The following AGBL1 variants were observed in gnomAD, a reference collection of about 807,000 sequenced individuals.
AGBL1 encodes AGBL carboxypeptidase 1.
A neutral mutation model predicts 118.9 loss-of-function variants in AGBL1; 130 were observed. The ratio of observed to expected loss-of-function variants is 1.09; its 90% CI spans 0.95 to 1.26. The LOEUF (loss-of-function observed/expected upper bound fraction) is 1.26, where lower values mean the gene tolerates loss of function less well. AGBL1 is among the 50% of genes most tolerant of loss of function. AGBL1 has a pLI of 0.00. For synonymous variants in AGBL1, 555 were observed against 478.9 expected, an observed-to-expected ratio of 1.16 and a Z score of -2.08; for missense variants, 1,584 against 1,298.1, an observed-to-expected ratio of 1.22 and a Z score of -3.38.
intron 24 of AGBL1, among the ~76,000 whole-genome samples, chr15:86,998,128 G>T (rs1016270806): frequency 2.0e-5 from 3 of 152,052 alleles, no homozygotes; most frequent in African/African-American, 7.2e-5. Context: ...TCCACCTCCT[G>T]ATATATTTGC....
intron 23 of AGBL1, chr15:86,932,862 A>C (rs1018825280): frequency 6.6e-6 from 1 of 151,630 alleles, no homozygotes; most frequent in Non-Finnish European, 1.5e-5. Context: ...CCAATGTTTT[A>C]AGTGCTTGAA....
intron 18 of AGBL1, among the ~76,000 whole-genome samples, chr15:86,464,748 A>G (rs148268519): frequency 6.8e-4 from 103 of 152,206 alleles, no homozygotes; most frequent in African/African-American, 2.3e-3. Context: ...ACGTTTATTG[A>G]TTTGCATATG....
At chr15:86,091,243 A>G (rs1896003512) in intron 1 of AGBL1, among the ~76,000 whole-genome samples, 1 of 152,182 alleles carries the variant, frequency 6.6e-6, no homozygotes, top group Non-Finnish European at 1.5e-5. Flanking sequence ...AGTGGAAAGT[A>G]GTGGGTGGAA....
chr15:86,564,396 G>A (rs2083879964), intron 21 of AGBL1, among the ~76,000 whole-genome samples: 1 of 152,140 alleles, frequency 6.6e-6, no homozygotes, highest in Admixed American at 6.6e-5. Flanking sequence ...ATGAAGCTTA[G>A]TTTGGCTGGA....
intron 24 of AGBL1, among the ~76,000 whole-genome samples, chr15:87,022,152 A>G (rs2081671126): frequency 6.6e-6 from 1 of 152,100 alleles, no homozygotes; most frequent in Non-Finnish European, 1.5e-5. Flanking sequence ...ATGGGACAAA[A>G]AGAATCTGAA....
intron 5 of AGBL1, among the ~76,000 whole-genome samples, chr15:86,167,783 C>G (rs926278404): frequency 5.9e-5 from 9 of 152,322 alleles, no homozygotes; most frequent in Middle Eastern, 3.4e-3. Flanking sequence ...GGAAAGCTAG[C>G]TGCTTTTAAG....
intron 22 of AGBL1, among the ~76,000 whole-genome samples, chr15:86,901,877 T>C (rs2080216762): frequency 6.6e-6 from 1 of 152,132 alleles, no homozygotes; most frequent in Non-Finnish European, 1.5e-5. Flanking sequence ...TTTTTTTTAG[T>C]TGTTACATTA....
chr15:86,264,955 A>T (rs2079050233), intron 11 of AGBL1, 117 bp downstream of exon 11: 1 of 1,041,318 alleles, frequency 9.6e-7, no homozygotes, highest in African/African-American at 1.6e-5. Flanking sequence ...AATCAGGAAC[A>T]TGTCAAAGCC....
At chr15:86,774,671 T>C (rs1317627480) in intron 22 of AGBL1, among the ~76,000 whole-genome samples, 1 of 151,934 alleles carries the variant, frequency 6.6e-6, no homozygotes, top group Non-Finnish European at 1.5e-5. Flanking sequence ...AAGTTAAGAA[T>C]GGGAGGTACA....
At chr15:86,742,965 T>TA (rs2077701327) in intron 22 of AGBL1, among the ~76,000 whole-genome samples, 1 of 152,032 alleles carries the variant, frequency 6.6e-6, no homozygotes, top group South Asian at 2.1e-4. Context: ...GCTGTGGGGG[T>TA]AATAGTATCA....
At chr15:86,954,993 G>T (rs1596671769) in intron 23 of AGBL1, among the ~76,000 whole-genome samples, 1 of 152,078 alleles carries the variant, frequency 6.6e-6, no homozygotes, top group South Asian at 2.1e-4. Context: ...GTAAGTTCAA[G>T]TGGTACTACA....
rs373998164 is a variant in AGBL1, at chr15:86,964,035, G to C, written c.3222-23952G>C. ...TCTCTCTCTCTCTCTCTCTCTCTGT[G>C]TGTGTGTGTGTGTGTGTGTGTTTGT... On this transcript the variant is annotated intron_variant, in intron 23 of 24. Coordinates refer to the AGBL1 transcript ENST00000441037. 8.4e-4 allele frequency among the ~76,000 whole-genome samples: 61 copies of C among 72,412 alleles called. 1 individual carries two copies. The highest frequency in any genetic ancestry group is 1.1e-3 in the East Asian group (3 of 2,794). 47.5% of individuals were successfully genotyped at this position (72,412 alleles called of 152,430 possible). A position where few individuals can be genotyped will look rare whatever the true frequency, so the allele number is the denominator to read the frequency against.
chr15:86,568,682 A>T (rs886799236), intron 21 of AGBL1, among the ~76,000 whole-genome samples: 4 of 152,218 alleles, frequency 2.6e-5, no homozygotes, highest in Non-Finnish European at 4.4e-5. Flanking sequence ...GGGATTTGTT[A>T]GAAATGCAGA....
chr15:86,868,812 T>C (rs2079676955), intron 22 of AGBL1, among the ~76,000 whole-genome samples: 1 of 152,154 alleles, frequency 6.6e-6, no homozygotes, highest in Non-Finnish European at 1.5e-5. Flanking sequence ...CAGAAATTAA[T>C]GGAATTGTGA....
At chr15:86,501,534 A>C (rs1024625996) in intron 18 of AGBL1, among the ~76,000 whole-genome samples, 2 of 151,576 alleles carry the variant, frequency 1.3e-5, no homozygotes, top group African/African-American at 4.8e-5. Context: ...ACCCAGGGTC[A>C]CCAAGATTTA....
At chr15:86,181,390 C>T (rs2077550909) in intron 5 of AGBL1, among the ~76,000 whole-genome samples, 1 of 151,864 alleles carries the variant, frequency 6.6e-6, no homozygotes, top group South Asian at 2.1e-4. Context: ...AATAATTATG[C>T]TGAATGAAAG....
At chr15:86,159,886 C>T (rs2077242886) in intron 5 of AGBL1, among the ~76,000 whole-genome samples, 3 of 152,036 alleles carry the variant, frequency 2.0e-5, no homozygotes, top group Non-Finnish European at 1.5e-5. Context: ...CATCCATTCT[C>T]ACCTGCAGCT....
intron 1 of AGBL1, 70 bp downstream of exon 1, chr15:86,080,093 C>G: frequency 8.6e-7 from 1 of 1,163,444 alleles, no homozygotes; most frequent in Non-Finnish European, 1.1e-6. Context: ...TGCCTGGGAG[C>G]TATGCACACA....
At chr15:86,377,094 A>G (rs960189808) in intron 17 of AGBL1, among the ~76,000 whole-genome samples, 5 of 152,124 alleles carry the variant, frequency 3.3e-5, no homozygotes, top group Non-Finnish European at 7.4e-5. Context: ...GGCTGGGCCT[A>G]ATGGTGCAGA....
Sources: gnomAD v4.1 joint callset for allele counts (sites outside exome capture counted in the v4.1 genomes callset) on GRCh38, gnomAD v4.1.1 for gene constraint, MANE v1.5 for transcripts, NCBI Gene and HGNC (gene_info 2026-07-23, HGNC 2026-07-21) for gene names.